Variants in RAB39A observed in about 807,000 individuals in gnomAD.
RAB39A encodes the protein ras-related protein Rab-39A.
In RAB39A, 17 loss-of-function variants were observed where a neutral mutation model predicts 20.9. The observed-to-expected ratio is 0.81, with a 90% confidence interval of 0.56 to 1.22. The LOEUF (loss-of-function observed/expected upper bound fraction) is 1.22, where lower values mean the gene tolerates loss of function less well. Ranked by LOEUF, RAB39A falls within the 50% of genes most tolerant of loss-of-function variation. The probability of loss-of-function intolerance (pLI) is 0.00; values close to 1 mark genes in which losing one functional copy is unlikely to be tolerated. For synonymous variants in RAB39A, 99 were observed against 103.4 expected, an observed-to-expected ratio of 0.96 and a Z score of 0.26; for missense variants, 234 against 270.5, an observed-to-expected ratio of 0.87 and a Z score of 0.95.
chr11:107,943,145 TA>T (rs920919202), intron 1 of RAB39A, among the ~76,000 whole-genome samples: 1 of 152,180 alleles, frequency 6.6e-6, no homozygotes, highest in African/African-American at 2.4e-5. Flanking sequence ...CCTTGTTAGA[TA>T]AGAAGAAGTG....
intron 1 of RAB39A, among the ~76,000 whole-genome samples, chr11:107,952,699 G>T (rs894727419): frequency 2.0e-5 from 3 of 151,884 alleles, no homozygotes; most frequent in African/African-American, 7.3e-5. Context: ...GGCCAATGTG[G>T]TGAAACCCCG....
At chr11:107,937,049 G>A (rs913807971) in intron 1 of RAB39A, among the ~76,000 whole-genome samples, 1 of 152,128 alleles carries the variant, frequency 6.6e-6, no homozygotes, top group Non-Finnish European at 1.5e-5. Context: ...ATTGTTAATA[G>A]AAAGGTCAGC....
At chr11:107,932,175 C>T (rs1466085628) in intron 1 of RAB39A, among the ~76,000 whole-genome samples, 6 of 151,980 alleles carry the variant, frequency 3.9e-5, no homozygotes, top group African/African-American at 1.4e-4. Context: ...CCTTAGTTTT[C>T]AATGTTCAGA....
rs369739015 is a variant in RAB39A at position 107,946,308 on chromosome 11, C to CTATATATA, written c.228-15627_228-15620dup. On this transcript the variant is annotated intron_variant, in intron 1 of 1. Transcript: ENST00000320578. ...ATTGCAACCATAAAGGAACAGGATA[C>CTATATATA]TATATATATATATATATACACACAC... is the stretch of plus-strand genomic sequence containing the variant. Among the ~76,000 whole-genome samples the CTATATATA allele has an allele frequency of 7.9e-3, 744 of 94,218 alleles. 15 individuals carry two copies. Among genetic ancestry groups the CTATATATA allele is most frequent in the African/African-American group, 0.025 (666 of 26,604 alleles). The allele number at this position is 94,218 out of a possible 152,430, so 61.8% of individuals were successfully genotyped here.
chr11:107,961,443 G>C (rs1199007615), intron 1 of RAB39A, among the ~76,000 whole-genome samples: 1 of 152,102 alleles, frequency 6.6e-6, no homozygotes, highest in African/African-American at 2.4e-5. Flanking sequence ...ACCACATTAG[G>C]GTTAGCATTT....
At chr11:107,936,394 T>C (rs981418513) in intron 1 of RAB39A, among the ~76,000 whole-genome samples, 3 of 145,454 alleles carry the variant, frequency 2.1e-5, no homozygotes, top group African/African-American at 7.3e-5. Flanking sequence ...CCTTTTAGCT[T>C]ATCTTCCCTT....
At chr11:107,945,137 TTG>T (rs1198505799) in intron 1 of RAB39A, among the ~76,000 whole-genome samples, 1 of 151,000 alleles carries the variant, frequency 6.6e-6, no homozygotes, top group Admixed American at 6.6e-5. Context: ...TGAGCCAAGA[TTG>T]TGCCACTACA....
intron 1 of RAB39A, among the ~76,000 whole-genome samples, chr11:107,947,807 C>CAAAAAAAA (rs35694249): frequency 4.9e-4 from 39 of 80,198 alleles, no homozygotes; most frequent in Non-Finnish European, 5.8e-4. Context: ...CATCAACAGG[C>CAAAAAAAA]AAAAAAAAAA....
At chr11:107,932,352 T>A (rs1861146207) in intron 1 of RAB39A, among the ~76,000 whole-genome samples, 1 of 152,260 alleles carries the variant, frequency 6.6e-6, no homozygotes, top group Admixed American at 6.5e-5. Flanking sequence ...TATTTCTCTC[T>A]TGTGTATAGA....
chr11:107,960,207 C>T (rs1202483812), intron 1 of RAB39A, among the ~76,000 whole-genome samples: 1 of 128,640 alleles, frequency 7.8e-6, no homozygotes, highest in Non-Finnish European at 1.6e-5. Context: ...AAGACTCCAT[C>T]TCAAAAAAAA....
intron 1 of RAB39A, among the ~76,000 whole-genome samples, chr11:107,936,217 G>C (rs1861193450): frequency 6.6e-6 from 1 of 152,044 alleles, no homozygotes; most frequent in Non-Finnish European, 1.5e-5. Flanking sequence ...CCTAGCCCTT[G>C]CTCAAAATGG....
chr11:107,950,862 G>C (rs1861371847), intron 1 of RAB39A, among the ~76,000 whole-genome samples: 1 of 151,996 alleles, frequency 6.6e-6, no homozygotes, highest in African/African-American at 2.4e-5. Context: ...TAGGATGTCA[G>C]AATGTATTAA....
intron 1 of RAB39A, among the ~76,000 whole-genome samples, chr11:107,951,615 ATT>A (rs4028253): frequency 2.8e-5 from 3 of 105,700 alleles, no homozygotes; most frequent in Non-Finnish European, 1.8e-5. Context: ...CCATTTTCAG[ATT>A]TTTTTTTTTT....
At chr11:107,959,562 T>C (rs1203355338) in intron 1 of RAB39A, among the ~76,000 whole-genome samples, 3 of 152,200 alleles carry the variant, frequency 2.0e-5, no homozygotes, top group African/African-American at 4.8e-5. Context: ...TCTATAATAC[T>C]ATAGTCCTTG....
chr11:107,935,595 C>G (rs946895535), intron 1 of RAB39A, among the ~76,000 whole-genome samples: 2 of 152,156 alleles, frequency 1.3e-5, no homozygotes, highest in East Asian at 1.9e-4. Flanking sequence ...AGGCTTGTCT[C>G]GAACTCCTGA....
At chr11:107,952,737 G>A (rs903356163) in intron 1 of RAB39A, among the ~76,000 whole-genome samples, 9 of 152,166 alleles carry the variant, frequency 5.9e-5, no homozygotes, top group Middle Eastern at 3.4e-3. Flanking sequence ...AAAAAAATTA[G>A]CTGGGCGTGG....
rs1217808551 is a variant in RAB39A, at chr11:107,962,432, A to G, written c.*60A>G. The G allele has an allele frequency of 7.1e-7, 1 of 1,410,824 alleles. No individual in the cohort carries two copies. Among genetic ancestry groups the G allele is most frequent in the African/African-American group, 1.4e-5 (1 of 69,602 alleles). The allele number at this position is 1,410,824 out of a possible 1,614,324, so 87.4% of individuals were successfully genotyped here. On this transcript the variant is annotated 3_prime_UTR_variant, in exon 2 of 2. Coordinates refer to ENST00000320578, the MANE Select transcript of RAB39A (RefSeq NM_017516.3). Reference sequence around the variant, plus strand: ...TGGGTGTCAGTTCAGGATAAATACCAACATTAACAGCAGAATGATGCAATG... The same window carrying G: ...TGGGTGTCAGTTCAGGATAAATACCGACATTAACAGCAGAATGATGCAATG...
chr11:107,949,938 C>T (rs892725600), intron 1 of RAB39A, among the ~76,000 whole-genome samples: 1 of 151,648 alleles, frequency 6.6e-6, no homozygotes, highest in African/African-American at 2.4e-5. Context: ...TTTGGGAGGC[C>T]GAGGCGGGCG....
chr11:107,953,087 TCTA>T (rs1397869404), intron 1 of RAB39A, among the ~76,000 whole-genome samples: 3 of 152,252 alleles, frequency 2.0e-5, no homozygotes, highest in African/African-American at 7.2e-5. Flanking sequence ...TTTCTAAAGA[TCTA>T]CTGTACACCT....
Sources: allele counts gnomAD v4.1 joint callset (sites outside exome capture counted in the v4.1 genomes callset), GRCh38; gene constraint gnomAD v4.1.1; transcripts MANE v1.5; gene names NCBI Gene and HGNC (gene_info 2026-07-23, HGNC 2026-07-21).